Variants in FOXP2 observed in about 807,000 individuals in gnomAD.
FOXP2 encodes the protein forkhead box protein P2.
FOXP2 carries 12 observed loss-of-function variants against 115.8 expected under a neutral mutation model. That is an observed-to-expected ratio of 0.10 (90% CI 0.07 to 0.17). FOXP2 has a LOEUF of 0.17. FOXP2 is among the 10% of genes least tolerant of loss of function. The probability of loss-of-function intolerance (pLI) is 1.00; values close to 1 mark genes in which losing one functional copy is unlikely to be tolerated. For missense variants in FOXP2, 629 were observed against 843.5 expected (o/e 0.75, Z 3.15); for synonymous variants, 328 against 297.7 (o/e 1.10, Z -1.05).
intron 1 of FOXP2, among the ~76,000 whole-genome samples, chr7:114,193,362 T>C (rs960408200): frequency 1.3e-5 from 2 of 151,968 alleles, no homozygotes; most frequent in African/African-American, 4.8e-5. Flanking sequence ...GAACAACTCT[T>C]GGTTTAGTTC....
intron 3 of FOXP2, among the ~76,000 whole-genome samples, chr7:114,587,400 C>T (rs998730129): frequency 3.9e-5 from 6 of 152,074 alleles, no homozygotes; most frequent in Admixed American, 1.3e-4. Context: ...AGAATAATGG[C>T]GTCCAGCTTA....
chr7:114,106,358 C>CTTT (rs199504822), intron 1 of FOXP2, among the ~76,000 whole-genome samples: 2 of 141,948 alleles, frequency 1.4e-5, no homozygotes, highest in East Asian at 2.0e-4. Flanking sequence ...CTGTCCCCTC[C>CTTT]TTTTTTTTTT....
intron 1 of FOXP2, among the ~76,000 whole-genome samples, chr7:114,103,918 T>A (rs1190089037): frequency 2.0e-5 from 3 of 152,066 alleles, no homozygotes; most frequent in Non-Finnish European, 4.4e-5. Context: ...TGAATTTTCT[T>A]TGACTAAATT....
intron 1 of FOXP2, among the ~76,000 whole-genome samples, chr7:114,255,694 A>T (rs572150594): frequency 1.3e-5 from 2 of 152,260 alleles, no homozygotes; most frequent in African/African-American, 4.8e-5. Flanking sequence ...CATCTGTCAC[A>T]GCTTCGCTTG....
chr7:114,693,322 A>G lies in FOXP2; in HGVS notation c.*3396A>G, dbSNP rs1323491041. 2.2e-6 allele frequency: 1 copy of G among 453,428 alleles called. No individual in the cohort carries two copies. The highest frequency in any genetic ancestry group is 4.4e-6 in the Non-Finnish European group (1 of 226,506). The allele number at this position is 453,428 out of a possible 1,614,324, so 28.1% of individuals were successfully genotyped here. A position where few individuals can be genotyped will look rare whatever the true frequency, so the allele number is the denominator to read the frequency against. On this transcript the variant is annotated 3_prime_UTR_variant, in exon 17 of 17. Coordinates refer to ENST00000350908, the MANE Select transcript of FOXP2 (RefSeq NM_014491.4). ...TTAGGGAATCGAAGAATAGTCAGCT[A>G]GGAATAGAGCTACAGAAGTACACTT...
chr7:114,625,570 C>T (rs1378601287), intron 3 of FOXP2, among the ~76,000 whole-genome samples: 2 of 151,522 alleles, frequency 1.3e-5, no homozygotes, highest in Admixed American at 6.6e-5. Context: ...TCATTTTTAT[C>T]AATGAATACC....
chr7:114,153,042 A>T (rs957507127), intron 1 of FOXP2, among the ~76,000 whole-genome samples: 7 of 152,174 alleles, frequency 4.6e-5, no homozygotes, highest in Non-Finnish European at 8.8e-5. Context: ...ATTTGTTTAT[A>T]GATCTTATTG....
chr7:114,633,625 C>G (rs1805042231), intron 6 of FOXP2, among the ~76,000 whole-genome samples: 1 of 152,292 alleles, frequency 6.6e-6, no homozygotes, highest in Admixed American at 6.5e-5. Flanking sequence ...GTAAGCCACA[C>G]AAACCGGCAT....
intron 2 of FOXP2, among the ~76,000 whole-genome samples, chr7:114,366,276 T>C (rs564589536): frequency 6.6e-6 from 1 of 152,272 alleles, no homozygotes; most frequent in East Asian, 1.9e-4. Context: ...TGTTTGAGGT[T>C]ATTTCAAAAG....
intron 2 of FOXP2, among the ~76,000 whole-genome samples, chr7:114,399,900 A>C (rs1584695090): frequency 7.1e-6 from 1 of 141,714 alleles, no homozygotes. Context: ...TCTGTCACCC[A>C]GGCTGGAGTG....
At position 114,401,900 on chromosome 7, in the gene FOXP2, C is replaced by G. The variant is rs996810119; in HGVS notation, c.-10-24602C>G. On this transcript the variant is annotated intron_variant, in intron 2 of 17. Coordinates refer to the FOXP2 transcript ENST00000634411. ...CTTTGAGAGGCCAAGGCAGGCGGAT[C>G]ACTTGAGGCCAGAAGTTGGGAGACC... Among the ~76,000 whole-genome samples the G allele has an allele frequency of 3.3e-5, 5 of 152,254 alleles. No homozygotes were observed. The East Asian group carries it at 9.7e-4, about 29-fold the overall frequency.
chr7:114,373,970 T>C (rs1792077043), intron 2 of FOXP2, among the ~76,000 whole-genome samples: 1 of 152,222 alleles, frequency 6.6e-6, no homozygotes, highest in South Asian at 2.1e-4. Context: ...TTATCTCCTC[T>C]GATCTTCCAA....
chr7:114,271,987 A>C (rs1796069633), intron 1 of FOXP2, among the ~76,000 whole-genome samples: 1 of 134,994 alleles, frequency 7.4e-6, no homozygotes, highest in Non-Finnish European at 1.5e-5. Context: ...AATTATATAT[A>C]ATATATAATA....
chr7:114,630,098 G>C, intron 5 of FOXP2, 93 bp downstream of exon 5: 1 of 1,595,030 alleles, frequency 6.3e-7, no homozygotes, highest in Non-Finnish European at 8.5e-7. Flanking sequence ...CTATAACAAG[G>C]CTCTTGCTGT....
chr7:114,456,068 C>A (rs1339256473), intron 2 of FOXP2, among the ~76,000 whole-genome samples: 1 of 152,204 alleles, frequency 6.6e-6, no homozygotes, highest in East Asian at 1.9e-4. Context: ...CCCTCACTCT[C>A]ATCCTCATTC....
chr7:114,686,177 C>CTT (rs1032625310), intron 16 of FOXP2, among the ~76,000 whole-genome samples: 2 of 144,584 alleles, frequency 1.4e-5, no homozygotes, highest in Admixed American at 7.0e-5. Flanking sequence ...TATAATACTT[C>CTT]TTTTTTTTTT....
At chr7:114,381,968 T>G (rs999826356) in intron 2 of FOXP2, among the ~76,000 whole-genome samples, 2 of 152,172 alleles carry the variant, frequency 1.3e-5, no homozygotes, top group African/African-American at 2.4e-5. Flanking sequence ...AATTCCTTCC[T>G]CAAGCAGGGG....
At chr7:114,539,319 T>C (rs1190501142) in intron 3 of FOXP2, among the ~76,000 whole-genome samples, 1 of 151,934 alleles carries the variant, frequency 6.6e-6, no homozygotes, top group Non-Finnish European at 1.5e-5. Context: ...AGAATGAAAC[T>C]GAATATTTCT....
At chr7:114,371,760 G>T (rs1792015708) in intron 2 of FOXP2, among the ~76,000 whole-genome samples, 1 of 151,900 alleles carries the variant, frequency 6.6e-6, no homozygotes, top group Non-Finnish European at 1.5e-5. Context: ...CTAAATAAAT[G>T]TTTAAACAGT....
Sources: gnomAD v4.1 joint callset for allele counts (sites outside exome capture counted in the v4.1 genomes callset) on GRCh38, gnomAD v4.1.1 for gene constraint, MANE v1.5 for transcripts, NCBI Gene and HGNC (gene_info 2026-07-23, HGNC 2026-07-21) for gene names.